TAOK3: variants seen among roughly 807,000 people sequenced by gnomAD.
TAOK3 encodes the protein serine/threonine-protein kinase TAO3.
In TAOK3, 40 loss-of-function variants were observed where a neutral mutation model predicts 120.4. The observed-to-expected ratio is 0.33, with a 90% CI of 0.26 to 0.43. The LOEUF is 0.43. Among genes scored for constraint, TAOK3 ranks in the 20% least tolerant of loss-of-function variants. The probability of loss-of-function intolerance (pLI) is 1.00; values close to 1 mark genes in which losing one functional copy is unlikely to be tolerated. For synonymous variants in TAOK3, 355 were observed against 387.5 expected, an observed-to-expected ratio of 0.92 and a Z score of 0.99; for missense variants, 821 against 1,112.1, an observed-to-expected ratio of 0.74 and a Z score of 3.72.
chr12:118,202,531 C>T (rs1176023984), intron 11 of TAOK3, among the ~76,000 whole-genome samples: 9 of 152,058 alleles, frequency 5.9e-5, no homozygotes, highest in South Asian at 2.1e-4. Flanking sequence ...CACTTATTAT[C>T]GCTTATCTTT....
intron 9 of TAOK3, among the ~76,000 whole-genome samples, chr12:118,220,284 C>A (rs1029286417): frequency 5.9e-5 from 9 of 152,136 alleles, no homozygotes; most frequent in African/African-American, 1.9e-4. Context: ...TTCATCTCTG[C>A]ATTCTCAGTG....
chr12:118,186,603 CAT>C (rs1173852831), intron 14 of TAOK3, among the ~76,000 whole-genome samples: 1 of 152,108 alleles, frequency 6.6e-6, no homozygotes, highest in African/African-American at 2.4e-5. Flanking sequence ...CCAGATAACA[CAT>C]GAGCCCAATA....
intron 2 of TAOK3, among the ~76,000 whole-genome samples, chr12:118,263,872 C>T (rs2041333776): frequency 6.6e-6 from 1 of 152,132 alleles, no homozygotes; most frequent in Non-Finnish European, 1.5e-5. Flanking sequence ...TCAAGACCAG[C>T]CTGGCCAACA....
chr12:118,268,983 G>A (rs1252062370), intron 1 of TAOK3, among the ~76,000 whole-genome samples: 1 of 151,622 alleles, frequency 6.6e-6, no homozygotes, highest in Non-Finnish European at 1.5e-5. Flanking sequence ...ACTCCGGCCT[G>A]GCAACAAGAG....
rs2039890749 is a variant in TAOK3, at chr12:118,233,784, A to G, written c.552-19T>C. 6.4e-7 allele frequency: 1 copy of G among 1,572,764 alleles called. No individual in the cohort carries two copies. On this transcript the variant is annotated intron_variant, in intron 8 of 20. Coordinates refer to ENST00000392533, the MANE Select transcript of TAOK3 (RefSeq NM_016281.4). ...AGCCATCCTACCAAACATAAGGTAC[A>G]AAACTCAAGTTGGAGATTAAAAACA...
chr12:118,268,978 G>A (rs1000264393), intron 1 of TAOK3, among the ~76,000 whole-genome samples: 3 of 151,688 alleles, frequency 2.0e-5, no homozygotes, highest in African/African-American at 7.3e-5. Context: ...ATTGCACTCC[G>A]GCCTGGCAAC....
At chr12:118,353,097 C>T (rs573912137) in intron 1 of TAOK3, among the ~76,000 whole-genome samples, 15 of 152,260 alleles carry the variant, frequency 9.9e-5, no homozygotes, top group African/African-American at 1.7e-4. Flanking sequence ...ATGCTAGGAA[C>T]TGTGAAAGAT....
intron 9 of TAOK3, among the ~76,000 whole-genome samples, chr12:118,216,568 A>G (rs1309915949): frequency 6.6e-6 from 1 of 152,234 alleles, no homozygotes; most frequent in Admixed American, 6.5e-5. Flanking sequence ...CAAAGGAAAG[A>G]AACAAGGCTC....
At chr12:118,317,112 A>C (rs2043496098) in intron 1 of TAOK3, among the ~76,000 whole-genome samples, 2 of 151,830 alleles carry the variant, frequency 1.3e-5, no homozygotes, top group South Asian at 4.2e-4. Flanking sequence ...AAAATACAAA[A>C]ATTAGCTGGG....
intron 1 of TAOK3, among the ~76,000 whole-genome samples, chr12:118,363,650 A>G (rs1189469113): frequency 6.6e-6 from 1 of 152,118 alleles, no homozygotes; most frequent in African/African-American, 2.4e-5. Flanking sequence ...ATACTACGTA[A>G]AAGAAATGGA....
At chr12:118,308,931 CAAAAAAAAAAAAAAAAAAA>C (rs60574584) in intron 1 of TAOK3, among the ~76,000 whole-genome samples, 1 of 30,058 alleles carries the variant, frequency 3.3e-5, no homozygotes, top group Non-Finnish European at 6.6e-5. Context: ...ACTCTGTCTC[CAAAAAAAAAAAAAAAAAAA>C]AAAAAAAAAG....
chr12:118,166,581 G>C (rs1469214582), intron 17 of TAOK3, among the ~76,000 whole-genome samples: 2 of 151,120 alleles, frequency 1.3e-5, no homozygotes, highest in African/African-American at 4.9e-5. Flanking sequence ...ATACTTTCCT[G>C]TTTTATACTT....
intron 2 of TAOK3, among the ~76,000 whole-genome samples, chr12:118,262,412 G>A (rs2041268945): frequency 6.6e-6 from 1 of 152,088 alleles, no homozygotes; most frequent in Non-Finnish European, 1.5e-5. Flanking sequence ...AACCTGGGAG[G>A]TGGAGGTTGC....
chr12:118,241,556 C>T (rs2040252917), intron 5 of TAOK3, among the ~76,000 whole-genome samples: 1 of 152,048 alleles, frequency 6.6e-6, no homozygotes, highest in Non-Finnish European at 1.5e-5. Context: ...AATATTTTTT[C>T]CCCTATTATT....
At chr12:118,155,737 CTTATT>C (rs1216972035) in intron 19 of TAOK3, among the ~76,000 whole-genome samples, 6 of 151,930 alleles carry the variant, frequency 3.9e-5, no homozygotes, top group African/African-American at 1.2e-4. Context: ...TCTCTCTCAT[CTTATT>C]TATTTTTTTT....
At chr12:118,241,766 T>C (rs976865092) in intron 5 of TAOK3, among the ~76,000 whole-genome samples, 4 of 152,286 alleles carry the variant, frequency 2.6e-5, no homozygotes, top group East Asian at 3.9e-4. Context: ...ATCAAACCAG[T>C]TGTAGACAGA....
chr12:118,354,928 A>AT (rs994511898), intron 1 of TAOK3, among the ~76,000 whole-genome samples: 45 of 148,036 alleles, frequency 3.0e-4, no homozygotes, highest in African/African-American at 3.5e-4. Context: ...TGTCTCTGCA[A>AT]TTTTTTTTTT....
At chr12:118,258,474 G>A (rs564179510) in intron 2 of TAOK3, among the ~76,000 whole-genome samples, 12 of 152,280 alleles carry the variant, frequency 7.9e-5, no homozygotes, top group South Asian at 2.1e-4. Flanking sequence ...AGTACTTTGG[G>A]AGGCCAAGGC....
intron 2 of TAOK3, among the ~76,000 whole-genome samples, chr12:118,261,959 C>A (rs1426872619): frequency 6.6e-6 from 1 of 152,072 alleles, no homozygotes; most frequent in African/African-American, 2.4e-5. Context: ...CTCCCGGGTT[C>A]CAGCAATTCT....
Sources: allele counts gnomAD v4.1 joint callset (sites outside exome capture counted in the v4.1 genomes callset), GRCh38; gene constraint gnomAD v4.1.1; transcripts MANE v1.5; gene names NCBI Gene and HGNC (gene_info 2026-07-23, HGNC 2026-07-21).